Variants in MTHFS observed in about 807,000 individuals in gnomAD.
The protein encoded by MTHFS is methenyltetrahydrofolate synthetase.
MTHFS carries 7 observed loss-of-function variants against 12.7 expected under a neutral mutation model. The ratio of observed to expected loss-of-function variants is 0.55; its 90% CI spans 0.31 to 1.03. MTHFS has a LOEUF of 1.03. Among genes scored for constraint, MTHFS ranks in the 50% least tolerant of loss-of-function variants. The pLI is 0.05. For missense variants in MTHFS, 252 were observed against 258.1 expected (o/e 0.98, Z 0.16); for synonymous variants, 100 against 97.1 (o/e 1.03, Z -0.18).
At chr15:79,885,823 T>C (rs1329291342) in intron 2 of MTHFS, among the ~76,000 whole-genome samples, 1 of 152,188 alleles carries the variant, frequency 6.6e-6, no homozygotes, top group Admixed American at 6.6e-5. Context: ...GAAACTGATA[T>C]AGATGGAAGC....
intron 2 of MTHFS, among the ~76,000 whole-genome samples, chr15:79,863,574 G>A (rs1277995471): frequency 6.6e-6 from 1 of 152,124 alleles, no homozygotes; most frequent in Non-Finnish European, 1.5e-5. Flanking sequence ...CTTTACTCAG[G>A]AGGCCATGAA....
At chr15:79,890,315 C>A (rs1014927827) in intron 1 of MTHFS, among the ~76,000 whole-genome samples, 1 of 150,018 alleles carries the variant, frequency 6.7e-6, no homozygotes, top group African/African-American at 2.5e-5. Context: ...GCAATCACTG[C>A]CTCTTAGGCT....
chr15:79,878,942 T>C (rs970382171), intron 2 of MTHFS, among the ~76,000 whole-genome samples: 9 of 151,932 alleles, frequency 5.9e-5, no homozygotes, highest in African/African-American at 1.9e-4. Flanking sequence ...AATGGAATTA[T>C]ATAAGAGCAA....
intron 1 of MTHFS, 140 bp downstream of exon 1, chr15:79,896,720 GCGCGCGCCGGGA>G: frequency 1.1e-6 from 1 of 938,980 alleles, no homozygotes; most frequent in Non-Finnish European, 1.4e-6. Flanking sequence ...TAGGGGGCGT[GCGCGCGCCGGGA>G]GGGGAAACGT....
At chr15:79,876,600 G>A (rs1248900098) in intron 2 of MTHFS, 3 of 137,282 alleles carry the variant, frequency 2.2e-5, no homozygotes, top group African/African-American at 8.2e-5. Flanking sequence ...AGGTGACAGT[G>A]TGAGACTCCA....
chr15:79,844,261 GT>G lies in MTHFS; in HGVS notation c.*948del, dbSNP rs1165660917. The G allele has an allele frequency of 2.0e-5, 3 of 152,212 alleles. No homozygotes were observed. The highest frequency in any genetic ancestry group is 4.4e-5 in the Non-Finnish European group (3 of 68,042). 9.4% of individuals were successfully genotyped at this position (152,212 alleles called of 1,614,324 possible). Reference sequence around the variant, plus strand: ...GCAAGATGGAAGCCAAGGGAAGCAGGTGTGACACTCTCGCCTAGTCCAGCTT... The same window carrying G: ...GCAAGATGGAAGCCAAGGGAAGCAGGGTGACACTCTCGCCTAGTCCAGCTT... On this transcript the variant is annotated 3_prime_UTR_variant, in exon 3 of 3. Coordinates refer to ENST00000258874, the MANE Select transcript of MTHFS (RefSeq NM_006441.4).
intron 2 of MTHFS, among the ~76,000 whole-genome samples, chr15:79,881,815 G>A (rs762561070): frequency 1.3e-5 from 2 of 152,204 alleles, no homozygotes; most frequent in African/African-American, 4.8e-5. Context: ...GCACTGGAGT[G>A]GAAACCAGAA....
At chr15:79,883,283 AG>A (rs2034327551) in intron 2 of MTHFS, among the ~76,000 whole-genome samples, 1 of 152,226 alleles carries the variant, frequency 6.6e-6, no homozygotes, top group African/African-American at 2.4e-5. Context: ...ACATGCACAC[AG>A]TTTTTTAAAT....
chr15:79,869,816 C>A (rs1041576440), intron 2 of MTHFS, among the ~76,000 whole-genome samples: 12 of 151,932 alleles, frequency 7.9e-5, no homozygotes, highest in Admixed American at 3.9e-4. Flanking sequence ...AGAAGAAGAA[C>A]CCAAATCAAT....
At chr15:79,857,552 G>C (rs1393546075) in intron 2 of MTHFS, among the ~76,000 whole-genome samples, 22 of 152,112 alleles carry the variant, frequency 1.4e-4, no homozygotes, top group Admixed American at 1.4e-3. Context: ...GTGCCATCTA[G>C]AACAAATTCT....
intron 2 of MTHFS, among the ~76,000 whole-genome samples, chr15:79,886,816 G>A (rs1010401539): frequency 6.6e-6 from 1 of 152,190 alleles, no homozygotes; most frequent in African/African-American, 2.4e-5. Context: ...AATATCTGCT[G>A]AAAATTACCG....
At chr15:79,892,963 A>G (rs12914365) in intron 1 of MTHFS, among the ~76,000 whole-genome samples, 53,152 of 151,846 alleles carry the variant, frequency 0.35, 9,445 homozygotes, top group South Asian at 0.48. Flanking sequence ...AAAAATTAAA[A>G]AAATAAATAC....
At chr15:79,885,712 C>T (rs1393469772) in intron 2 of MTHFS, among the ~76,000 whole-genome samples, 2 of 152,206 alleles carry the variant, frequency 1.3e-5, no homozygotes, top group African/African-American at 4.8e-5. Flanking sequence ...AGGTCCAGGA[C>T]TTTATCGGAC....
intron 2 of MTHFS, among the ~76,000 whole-genome samples, chr15:79,879,081 A>G (rs901457218): frequency 6.6e-6 from 1 of 152,148 alleles, no homozygotes; most frequent in Non-Finnish European, 1.5e-5. Flanking sequence ...AGAGGAACTA[A>G]AACAGCACAT....
Position 79,843,688 on chromosome 15 carries a change from CTA to C in MTHFS, c.*1520_*1521del, listed in dbSNP as rs2033559478. 1 of 152,216 alleles carries C rather than the reference CTA, an allele frequency of 6.6e-6. No individual in the cohort carries two copies. Among genetic ancestry groups the C allele is most frequent in the Non-Finnish European group, 1.5e-5 (1 of 68,042 alleles). The allele number at this position is 152,216 out of a possible 1,614,324, so 9.4% of individuals were successfully genotyped here. ...AAAAATTCTCTCTCTCACACACACA[CTA>C]TATGTCTAGTTGTGTACTAAGCATA... is the stretch of plus-strand genomic sequence containing the variant. On this transcript the variant is annotated 3_prime_UTR_variant, in exon 3 of 3. Transcript: ENST00000258874.
chr15:79,871,835 G>A (rs749377521), intron 2 of MTHFS, among the ~76,000 whole-genome samples: 3 of 152,046 alleles, frequency 2.0e-5, no homozygotes, highest in East Asian at 1.9e-4. Context: ...GGCCGGGCAC[G>A]GTGGCTAATG....
In MTHFS at chr15:79,891,002, A is replaced by C. The variant is rs563232557; in HGVS notation, c.118-1648T>G. 2.0e-5 allele frequency among the ~76,000 whole-genome samples: 3 copies of C among 152,386 alleles called. No homozygotes were observed. The South Asian group carries it at 6.2e-4, about 32-fold the overall frequency. On this transcript the variant is annotated intron_variant, in intron 1 of 2. Coordinates refer to ENST00000258874, the MANE Select transcript of MTHFS (RefSeq NM_006441.4). ...GTTAACACTCAATGTGAGACTGTGC[A>C]TGCATATTTATCTTCCTTCCTCAAA...
intron 2 of MTHFS, among the ~76,000 whole-genome samples, chr15:79,866,257 T>A (rs1283753821): frequency 6.6e-6 from 1 of 152,198 alleles, no homozygotes; most frequent in African/African-American, 2.4e-5. Context: ...GTTCAACGGT[T>A]TCCTTCTTTC....
chr15:79,888,961 C>G (rs1315135242), intron 2 of MTHFS, 132 bp downstream of exon 2: 1 of 1,394,956 alleles, frequency 7.2e-7, no homozygotes, highest in African/African-American at 1.4e-5. Flanking sequence ...ATACAGGTGT[C>G]TTGGAACGTA....
Sources: gnomAD v4.1 joint callset for allele counts (sites outside exome capture counted in the v4.1 genomes callset) on GRCh38, gnomAD v4.1.1 for gene constraint, MANE v1.5 for transcripts, NCBI Gene and HGNC (gene_info 2026-07-23, HGNC 2026-07-21) for gene names.